SMYD3: variants seen among roughly 807,000 people sequenced by gnomAD.
SMYD3 encodes the protein histone-lysine N-methyltransferase SMYD3.
SMYD3 carries 36 observed loss-of-function variants against 57.7 expected under a neutral mutation model. That is an observed-to-expected ratio of 0.62 (90% CI 0.48 to 0.82). SMYD3 has a LOEUF of 0.82. Ranked by LOEUF, SMYD3 falls within the 40% of genes least tolerant of loss-of-function variation. The pLI is 0.00. For missense variants in SMYD3, 515 were observed against 538.8 expected (o/e 0.96, Z 0.44); for synonymous variants, 211 against 195.0 (o/e 1.08, Z -0.68).
At chr1:246,201,911 G>T (rs534101560) in intron 5 of SMYD3, among the ~76,000 whole-genome samples, 47 of 152,054 alleles carry the variant, frequency 3.1e-4, no homozygotes, top group African/African-American at 1.1e-3. Context: ...TACTCAGGAG[G>T]CTGAGGCAGG....
intron 1 of SMYD3, among the ~76,000 whole-genome samples, chr1:246,364,882 C>T (rs1008288547): frequency 1.3e-5 from 2 of 152,158 alleles, no homozygotes; most frequent in Admixed American, 6.5e-5. Flanking sequence ...ATCAAGTCAA[C>T]ACTTAGCTGT....
At chr1:245,990,101 T>A (rs2148111082) in intron 5 of SMYD3, among the ~76,000 whole-genome samples, 1 of 152,236 alleles carries the variant, frequency 6.6e-6, no homozygotes, top group Non-Finnish European at 1.5e-5. Context: ...AGGGCCTCAG[T>A]CTGTGGCTCC....
chr1:246,492,596 G>C (rs2068289031), intron 1 of SMYD3, among the ~76,000 whole-genome samples: 1 of 152,184 alleles, frequency 6.6e-6, no homozygotes, highest in African/African-American at 2.4e-5. Flanking sequence ...CAGGCAAGAA[G>C]GTTAACACAG....
chr1:246,406,325 G>C (rs1381121618), intron 1 of SMYD3, among the ~76,000 whole-genome samples: 6 of 152,146 alleles, frequency 3.9e-5, no homozygotes, highest in African/African-American at 1.4e-4. Flanking sequence ...TAGAGTAAGA[G>C]CTCTATAATT....
At position 246,355,338 on chromosome 1, in the gene SMYD3, C is replaced by T; in HGVS notation, c.165-244G>A. On this transcript the variant is annotated intron_variant, in intron 1 of 11. Coordinates refer to ENST00000490107, the MANE Select transcript of SMYD3 (RefSeq NM_001167740.2). The surrounding 1 kb of genome is among the most constrained non-coding windows in gnomAD (Gnocchi z 5.0). ...GATGGCGGGGAAGAGGCAGGACCAG[C>T]TTGCAGCTCCCGATCGGACAGACAG... 1 of 489,274 alleles carries T rather than the reference C, an allele frequency of 2.0e-6. No homozygotes were observed. The highest frequency in any genetic ancestry group is 3.8e-5 in the East Asian group (1 of 26,448). The allele number at this position is 489,274 out of a possible 1,614,324, so 30.3% of individuals were successfully genotyped here.
At chr1:246,129,375 G>A (rs2061554493) in intron 5 of SMYD3, among the ~76,000 whole-genome samples, 1 of 151,700 alleles carries the variant, frequency 6.6e-6, no homozygotes, top group African/African-American at 2.4e-5. Context: ...ATTACATGAG[G>A]TAAAAGGAAA....
At chr1:245,948,678 G>A (rs1259921684) in intron 5 of SMYD3, among the ~76,000 whole-genome samples, 1 of 152,080 alleles carries the variant, frequency 6.6e-6, no homozygotes, top group African/African-American at 2.4e-5. Context: ...CATTCCTGGA[G>A]CCCCATTGAT....
chr1:246,322,518 A>G (rs1168293078), intron 5 of SMYD3: 1 of 152,170 alleles, frequency 6.6e-6, no homozygotes, highest in African/African-American at 2.4e-5. Context: ...AAAAAGAGCC[A>G]GCAGAGATGA....
intron 5 of SMYD3, among the ~76,000 whole-genome samples, chr1:245,981,915 C>A (rs2058605206): frequency 6.6e-6 from 1 of 152,236 alleles, no homozygotes; most frequent in Admixed American, 6.5e-5. Context: ...GTCTTCAAAC[C>A]AGGCTTGGGC....
intron 5 of SMYD3, among the ~76,000 whole-genome samples, chr1:246,173,223 TTC>T (rs2062373368): frequency 6.6e-6 from 1 of 151,676 alleles, no homozygotes; most frequent in African/African-American, 2.4e-5. Context: ...TACTGTAGAC[TTC>T]ATCAACACTA....
intron 1 of SMYD3, among the ~76,000 whole-genome samples, chr1:246,448,531 G>T (rs967963785): frequency 6.6e-6 from 1 of 151,920 alleles, no homozygotes; most frequent in Non-Finnish European, 1.5e-5. Flanking sequence ...ACGACCTGCA[G>T]CTACAAGCCC....
intron 8 of SMYD3, among the ~76,000 whole-genome samples, chr1:245,879,475 G>A (rs994252933): frequency 1.3e-5 from 2 of 152,220 alleles, no homozygotes; most frequent in African/African-American, 2.4e-5. Context: ...GATGAGAAAC[G>A]CTTCAGTGCT....
intron 5 of SMYD3, among the ~76,000 whole-genome samples, chr1:246,083,287 C>T (rs142689510): frequency 2.6e-5 from 4 of 152,204 alleles, no homozygotes; most frequent in South Asian, 4.2e-4. Flanking sequence ...GTGGGACATG[C>T]GGGCAGCAAT....
chr1:246,506,978 G>GCCCCCCCCCCCCCCCCCCCCCCCCCCC, intron 1 of SMYD3, 76 bp downstream of exon 1: 32 of 1,174,494 alleles, frequency 2.7e-5, no homozygotes, highest in East Asian at 1.1e-4. Flanking sequence ...CGCGGCTGCC[G>GCCCCCCCCCCCCCCCCCCCCCCCCCCC]GCCGCCCGAC....
intron 8 of SMYD3, among the ~76,000 whole-genome samples, chr1:245,877,232 T>C (rs2052537998): frequency 1.3e-5 from 2 of 152,144 alleles, no homozygotes; most frequent in Admixed American, 1.3e-4. Context: ...TAGAGGCTCT[T>C]TTCCCCACTA....
intron 2 of SMYD3, among the ~76,000 whole-genome samples, chr1:246,344,465 G>A (rs561832424): frequency 1.3e-5 from 2 of 152,272 alleles, no homozygotes; most frequent in South Asian, 2.1e-4. Context: ...TAATAGTACA[G>A]TATGCATCTC....
rs1164274725 is a variant in SMYD3 at position 246,248,808 on chromosome 1, ATT to A, written c.531+78391_531+78392del. ...AGGCGCCCGCCACCATGCCCGGCTAATTTTTTTTTTTTTTTTTTTTTGTATTT... is the reference window on the plus strand; with the variant it reads ...AGGCGCCCGCCACCATGCCCGGCTAATTTTTTTTTTTTTTTTTTTGTATTT... On this transcript the variant is annotated intron_variant, in intron 5 of 11. Coordinates refer to ENST00000490107, the MANE Select transcript of SMYD3 (RefSeq NM_001167740.2). Among the ~76,000 whole-genome samples, 65 of 90,414 alleles carry A rather than the reference ATT, an allele frequency of 7.2e-4. 3 individuals carry two copies. In the East Asian group the frequency reaches 0.025, roughly 35 times the overall value. 59.3% of individuals were successfully genotyped at this position (90,414 alleles called of 152,430 possible).
chr1:246,411,970 TATA>T (rs1178114824), intron 1 of SMYD3, among the ~76,000 whole-genome samples: 1,684 of 93,838 alleles, frequency 0.018, 23 homozygotes, highest in Non-Finnish European at 0.029. Context: ...AAACTTAAAG[TATA>T]ATAAAAAAAA....
chr1:246,073,466 C>T (rs1248584077), intron 5 of SMYD3, among the ~76,000 whole-genome samples: 6 of 152,138 alleles, frequency 3.9e-5, no homozygotes, highest in African/African-American at 1.4e-4. Flanking sequence ...CCTATAATCT[C>T]AGCACTTTGG....
Sources: gnomAD v4.1 joint callset for allele counts (sites outside exome capture counted in the v4.1 genomes callset) on GRCh38, gnomAD v4.1.1 for gene constraint, Gnocchi (gnomAD v3.1) non-coding constraint, MANE v1.5 for transcripts, NCBI Gene and HGNC (gene_info 2026-07-23, HGNC 2026-07-21) for gene names.